PLS3: variants seen among roughly 807,000 people sequenced by gnomAD.
The protein encoded by PLS3 is plastin-3.
Under a neutral mutation model 46.5 loss-of-function variants are expected in PLS3, and 11 were observed. The ratio of observed to expected loss-of-function variants is 0.24; its 90% CI spans 0.15 to 0.39. The LOEUF is 0.39. Ranked by LOEUF, PLS3 falls within the 10% of genes least tolerant of loss-of-function variation. PLS3 has a pLI of 1.00. For synonymous variants in PLS3, 167 were observed against 162.2 expected (o/e 1.03, Z -0.22); for missense variants, 308 against 461.8 (o/e 0.67, Z 3.05).
chrX:115,643,870 G>A (rs1278122743), intron 10 of PLS3, among the ~76,000 whole-genome samples: 5 of 111,489 alleles, frequency 4.5e-5, no homozygotes, highest in African/African-American at 1.6e-4. Context: ...TACTCGGGAG[G>A]CTGAGGCAGG....
intron 1 of PLS3, among the ~76,000 whole-genome samples, chrX:115,602,053 C>T (rs1231411437): frequency 1.8e-5 from 2 of 111,697 alleles, no homozygotes; most frequent in African/African-American, 6.5e-5. Flanking sequence ...AATGCCCTTA[C>T]TGGGGATGTC....
chrX:115,638,571 T>C, intron 8 of PLS3, among the ~76,000 whole-genome samples: 1 of 111,984 alleles, frequency 8.9e-6, no homozygotes, highest in Middle Eastern at 4.7e-3. Flanking sequence ...CTTCATGCAC[T>C]AGATGCGTTC....
chrX:115,599,710 G>A (rs1465835692), intron 1 of PLS3, among the ~76,000 whole-genome samples: 1 of 106,082 alleles, frequency 9.4e-6, no homozygotes. Flanking sequence ...TCGGCTCACT[G>A]CAGCCTCCGC....
chrX:115,599,475 C>A (rs1556634279), intron 1 of PLS3, among the ~76,000 whole-genome samples: 1 of 95,528 alleles, frequency 1.0e-5, no homozygotes, highest in Non-Finnish European at 2.0e-5. Context: ...CTGCAGTGAT[C>A]ATGCCACTGC....
intron 1 of PLS3, among the ~76,000 whole-genome samples, chrX:115,588,174 A>C (rs781923550): frequency 4.4e-5 from 5 of 112,473 alleles, no homozygotes. Context: ...AAAATCATTG[A>C]TATTGTATCA....
Position 115,645,030 on chromosome X carries a change from G to A in PLS3, c.1193G>A (p.Arg398His), listed in dbSNP as rs782290456. 1.3e-5 allele frequency: 15 copies of A among 1,184,420 alleles called. No individual in the cohort carries two copies. The highest frequency in any genetic ancestry group is 8.0e-6 in the Non-Finnish European group (7 of 871,400). The part of the protein sequence containing the change: ...IDWTLLEGET[R>H]EERTFRNWMN... Reference sequence around the variant, plus strand: ...TGAATATTCTTAACAGGAGAAACTCGTGAAGAAAGAACCTTCCGTAACTGG... The same window carrying A: ...TGAATATTCTTAACAGGAGAAACTCATGAAGAAAGAACCTTCCGTAACTGG... The change falls in exon 11 of 16, where the codon CGT becomes CAT. Residue 398 changes from arginine (R) to histidine (H), a missense_variant. Arg to His is a conservative substitution (Grantham distance 29). This residue lies in a region of PLS3 where 271 missense variants were observed against 435.7 expected (regional missense o/e 0.62). Transcript: ENST00000355899.
intron 1 of PLS3, among the ~76,000 whole-genome samples, chrX:115,591,561 G>A (rs1556633116): frequency 8.9e-6 from 1 of 111,789 alleles, no homozygotes; most frequent in African/African-American, 3.2e-5. Flanking sequence ...GGACAGACCC[G>A]TCTCAGTGGT....
chrX:115,606,165 C>CTTTTTTTTTTTTTTTTTTTTTTTTTTTTT (rs782575149), intron 1 of PLS3, among the ~76,000 whole-genome samples: 4 of 30,285 alleles, frequency 1.3e-4, no homozygotes, highest in African/African-American at 3.3e-4. Context: ...CTTTTCTTTT[C>CTTTTTTTTTTTTTTTTTTTTTTTTTTTTT]TTTTTTTTTT....
chrX:115,641,118 C>G (rs2074890346), intron 9 of PLS3, among the ~76,000 whole-genome samples: 1 of 110,525 alleles, frequency 9.0e-6, no homozygotes, highest in Non-Finnish European at 1.9e-5. Flanking sequence ...GTTTTTGTAC[C>G]CATTAGATAT....
chrX:115,566,966 C>T (rs1556630209), intron 1 of PLS3, among the ~76,000 whole-genome samples: 1 of 112,671 alleles, frequency 8.9e-6, no homozygotes, highest in African/African-American at 3.2e-5. Context: ...CATGAGCCAC[C>T]GCGCCCAGCC....
At chrX:115,605,773 A>G (rs781945044) in intron 1 of PLS3, among the ~76,000 whole-genome samples, 1 of 111,973 alleles carries the variant, frequency 8.9e-6, no homozygotes, top group East Asian at 2.8e-4. Flanking sequence ...TTTTATAGGA[A>G]GAAAAAAAGA....
intron 1 of PLS3, among the ~76,000 whole-genome samples, chrX:115,604,550 C>T (rs782016114): frequency 9.0e-6 from 1 of 111,652 alleles, no homozygotes; most frequent in Non-Finnish European, 1.9e-5. Flanking sequence ...GAGCAATAAT[C>T]GATGCCTTCT....
At chrX:115,632,126 A>G (rs912390160) in intron 5 of PLS3, among the ~76,000 whole-genome samples, 7 of 111,296 alleles carry the variant, frequency 6.3e-5, no homozygotes, top group Admixed American at 5.8e-4. Context: ...TAATATAGAG[A>G]GAAGACTGCA....
In PLS3 at chrX:115,634,939, T is replaced by C; in HGVS notation, c.641T>C (p.Ile214Thr). The change falls in exon 7 of 16, where the codon ATT becomes ACT. Residue 214 changes from isoleucine (I) to threonine (T), a missense_variant. Ile to Thr is a moderately conservative substitution (Grantham distance 89). Around this residue, in one of 2 missense-constraint regions of PLS3, gnomAD observed 271 missense variants for 435.7 expected, o/e 0.62. Transcript: ENST00000355899. ...GCCATTGGGTGTCATGTTGTGAACA[T>C]TGGTGCAGAAGATTTGAGGGCTGGG... ...ASAIGCHVVN[I>T]GAEDLRAGKP... is the part of the protein sequence containing the mutation. 1 of 1,210,254 alleles carries C rather than the reference T, an allele frequency of 8.3e-7. No individual in the cohort carries two copies. Among genetic ancestry groups the C allele is most frequent in the Non-Finnish European group, 1.1e-6 (1 of 894,264 alleles).
chrX:115,591,417 A>G (rs781919675), intron 1 of PLS3, among the ~76,000 whole-genome samples: 4 of 112,352 alleles, frequency 3.6e-5, no homozygotes, highest in Admixed American at 1.9e-4. Flanking sequence ...GTTTTTAAGT[A>G]GTACTGTTAT....
chrX:115,609,887 A>G (rs1556635869), intron 1 of PLS3, among the ~76,000 whole-genome samples: 1 of 112,234 alleles, frequency 8.9e-6, no homozygotes, highest in Non-Finnish European at 1.9e-5. Flanking sequence ...TCCGTGAATC[A>G]TTGGTCACAT....
intron 1 of PLS3, among the ~76,000 whole-genome samples, chrX:115,593,045 A>G (rs1556633341): frequency 8.9e-6 from 1 of 112,205 alleles, no homozygotes; most frequent in African/African-American, 3.2e-5. Context: ...ATCAAAATGT[A>G]TATACTTGAA....
intron 1 of PLS3, among the ~76,000 whole-genome samples, chrX:115,562,204 T>A (rs1369181624): frequency 9.0e-6 from 1 of 111,189 alleles, no homozygotes; most frequent in Non-Finnish European, 1.9e-5. Context: ...ACTTAAGCGC[T>A]GTAATGAGAG....
At chrX:115,637,052 G>A (rs1383180491) in intron 8 of PLS3, 74 bp downstream of exon 8, 80 of 1,018,246 alleles carry the variant, frequency 7.9e-5, no homozygotes, top group Non-Finnish European at 1.1e-4. Flanking sequence ...TTAACAGAGA[G>A]AAAATCCTAA....
Sources: allele counts gnomAD v4.1 joint callset (sites outside exome capture counted in the v4.1 genomes callset), GRCh38; gene constraint gnomAD v4.1.1; regional missense constraint gnomAD v4.1.1; transcripts MANE v1.5; gene names NCBI Gene and HGNC (gene_info 2026-07-23, HGNC 2026-07-21).